STIM2: variants seen among roughly 807,000 people sequenced by gnomAD.
STIM2 encodes stromal interaction molecule 2.
STIM2 carries 31 observed loss-of-function variants against 85.8 expected under a neutral mutation model. That is an observed-to-expected ratio of 0.36 (90% CI 0.27 to 0.49). The LOEUF (loss-of-function observed/expected upper bound fraction) is 0.49. Ranked by LOEUF, STIM2 falls within the 20% of genes least tolerant of loss-of-function variation. The probability of loss-of-function intolerance (pLI) is 0.98; values close to 1 mark genes in which losing one functional copy is unlikely to be tolerated. For missense variants in STIM2, 841 were observed against 927.6 expected, an observed-to-expected ratio of 0.91 and a Z score of 1.21; for synonymous variants, 356 against 331.1, an observed-to-expected ratio of 1.08 and a Z score of -0.82.
chr4:26,906,852 AGCTACTC>A (rs1724146187), intron 1 of STIM2, among the ~76,000 whole-genome samples: 2 of 152,076 alleles, frequency 1.3e-5, no homozygotes, highest in African/African-American at 4.8e-5. Context: ...CTGTAGTCCC[AGCTACTC>A]GGGAGACTGA....
chr4:27,007,487 C>T, intron 7 of STIM2, 46 bp from the exon 8 acceptor site: 15 of 1,297,318 alleles, frequency 1.2e-5, no homozygotes, highest in Admixed American at 5.7e-5. Flanking sequence ...TTAATCCTTC[C>T]TTCCTCCCTC....
intron 4 of STIM2, among the ~76,000 whole-genome samples, chr4:26,998,791 A>T (rs2109128371): frequency 6.6e-6 from 1 of 152,100 alleles, no homozygotes; most frequent in South Asian, 2.1e-4. Flanking sequence ...ACGTGCCTGT[A>T]GTCCCAGCTA....
intron 3 of STIM2, among the ~76,000 whole-genome samples, chr4:26,958,204 T>G (rs2109093956): frequency 6.6e-6 from 1 of 152,242 alleles, no homozygotes. Flanking sequence ...CTTTCTACTG[T>G]TAAGTTCTCA....
At chr4:26,928,968 CCT>C (rs1725098431) in intron 2 of STIM2, among the ~76,000 whole-genome samples, 1 of 152,108 alleles carries the variant, frequency 6.6e-6, no homozygotes, top group Non-Finnish European at 1.5e-5. Flanking sequence ...TTTACTACTA[CCT>C]AAAAGAATGT....
chr4:26,867,651 A>G (rs1722456263), intron 1 of STIM2, among the ~76,000 whole-genome samples: 1 of 152,184 alleles, frequency 6.6e-6, no homozygotes, highest in Admixed American at 6.5e-5. Flanking sequence ...CCTAAATTTC[A>G]TTGTTGTGTG....
intron 1 of STIM2, among the ~76,000 whole-genome samples, chr4:26,880,951 A>G (rs903131959): frequency 1.1e-4 from 17 of 151,964 alleles, no homozygotes; most frequent in African/African-American, 4.1e-4. Flanking sequence ...AACAAATTTT[A>G]CTCTTCAGAA....
chr4:26,920,710 C>G (rs1178595705), intron 2 of STIM2, among the ~76,000 whole-genome samples: 4 of 152,178 alleles, frequency 2.6e-5, no homozygotes, highest in African/African-American at 9.6e-5. Context: ...CATCTGTTTT[C>G]AGATTGCCCT....
At position 26,934,239 on chromosome 4, in the gene STIM2, G is replaced by C. The variant is rs558756763; in HGVS notation, c.282+14605G>C. Among the ~76,000 whole-genome samples the C allele has an allele frequency of 2.0e-5, 3 of 152,120 alleles. No individual in the cohort carries two copies. The East Asian group carries it at 5.8e-4, about 29-fold the overall frequency. On this transcript the variant is annotated intron_variant, in intron 2 of 11. Transcript: ENST00000467087. ...ACAAAAATATAGATTAAAAAAATGA[G>C]ATAAAATTAAATGTAAATGTAAATT... is the stretch of plus-strand genomic sequence containing the variant.
At chr4:27,017,646 A>C in intron 10 of STIM2, 65 bp from the exon 11 acceptor site, 1 of 1,583,502 alleles carries the variant, frequency 6.3e-7, no homozygotes, top group Non-Finnish European at 8.6e-7. Flanking sequence ...GTGTGTATGT[A>C]TTTGTGGTGA....
chr4:26,912,469 A>G (rs934379199), intron 1 of STIM2, among the ~76,000 whole-genome samples: 5 of 152,200 alleles, frequency 3.3e-5, no homozygotes, highest in African/African-American at 7.2e-5. Context: ...TTCCCCACAT[A>G]TATCAATTGA....
intron 1 of STIM2, among the ~76,000 whole-genome samples, chr4:26,864,383 T>C (rs948853701): frequency 6.6e-6 from 1 of 152,118 alleles, no homozygotes; most frequent in African/African-American, 2.4e-5. Context: ...TAGTTTTTTT[T>C]TTCCTTCTTT....
At chr4:26,905,876 G>A (rs545719859) in intron 1 of STIM2, among the ~76,000 whole-genome samples, 18 of 151,780 alleles carry the variant, frequency 1.2e-4, no homozygotes, top group African/African-American at 3.1e-4. Context: ...GAGATAAAAG[G>A]GATTACTGTA....
intron 1 of STIM2, among the ~76,000 whole-genome samples, chr4:26,888,498 G>A (rs139281590): frequency 1.4e-4 from 21 of 152,260 alleles, no homozygotes; most frequent in Admixed American, 4.6e-4. Context: ...GAATACATTC[G>A]TTACAAAATA....
chr4:26,880,686 T>TATATGTAA (rs1722982198), intron 1 of STIM2, among the ~76,000 whole-genome samples: 7 of 144,076 alleles, frequency 4.9e-5, no homozygotes, highest in Admixed American at 7.1e-5. Context: ...TATGTAAATA[T>TATATGTAA]ATATATATGT....
At chr4:26,950,373 A>G (rs1404998274) in intron 2 of STIM2, among the ~76,000 whole-genome samples, 2 of 152,182 alleles carry the variant, frequency 1.3e-5, no homozygotes, top group African/African-American at 2.4e-5. Context: ...AGAAATTTTG[A>G]TTCTCTCTTG....
intron 1 of STIM2, among the ~76,000 whole-genome samples, chr4:26,913,425 T>G (rs1261120476): frequency 6.6e-6 from 1 of 152,138 alleles, no homozygotes; most frequent in Non-Finnish European, 1.5e-5. Context: ...CTTAAATATT[T>G]TAAAGTTCCC....
At chr4:26,882,331 T>C (rs112811395) in intron 1 of STIM2, among the ~76,000 whole-genome samples, 7 of 152,338 alleles carry the variant, frequency 4.6e-5, no homozygotes, top group African/African-American at 1.7e-4. Flanking sequence ...CAGTTGTTGC[T>C]AATTTTTTTT....
chr4:27,014,540 A>G (rs1419969421), intron 10 of STIM2, among the ~76,000 whole-genome samples: 1 of 151,280 alleles, frequency 6.6e-6, no homozygotes, highest in Non-Finnish European at 1.5e-5. Context: ...CTTGTGCGTG[A>G]TTAGAGAATA....
chr4:27,020,553 T>A (rs1463315505), intron 11 of STIM2, among the ~76,000 whole-genome samples: 1 of 152,222 alleles, frequency 6.6e-6, no homozygotes, highest in Non-Finnish European at 1.5e-5. Context: ...GAGCTTGTAG[T>A]GCAGTAAAGA....
Sources: allele counts gnomAD v4.1 joint callset (sites outside exome capture counted in the v4.1 genomes callset), GRCh38; gene constraint gnomAD v4.1.1; transcripts MANE v1.5; gene names NCBI Gene and HGNC (gene_info 2026-07-23, HGNC 2026-07-21).